Variants in SRPK2 observed in about 807,000 individuals in gnomAD.
SRPK2 encodes the protein SRSF protein kinase 2, also known as SFRS protein kinase 2.
A neutral mutation model predicts 90.8 loss-of-function variants in SRPK2; 21 were observed. The ratio of observed to expected loss-of-function variants is 0.23; its 90% confidence interval spans 0.16 to 0.33. The LOEUF (loss-of-function observed/expected upper bound fraction) is 0.33. SRPK2 is among the 10% of genes least tolerant of loss of function. The pLI is 1.00. For missense variants in SRPK2, 620 were observed against 869.0 expected (o/e 0.71, Z 3.60); for synonymous variants, 288 against 311.1 (o/e 0.93, Z 0.78).
intron 13 of SRPK2, among the ~76,000 whole-genome samples, chr7:105,129,532 G>A (rs1801700608): frequency 1.7e-5 from 2 of 114,820 alleles, no homozygotes; most frequent in Admixed American, 1.8e-4. Context: ...GTGCCACCAT[G>A]CCCAGCTAAT....
chr7:105,145,236 G>A (rs771181161), intron 9 of SRPK2, 47 bp downstream of exon 9: 2 of 1,437,748 alleles, frequency 1.4e-6, no homozygotes, highest in Admixed American at 4.6e-5. Context: ...ATAATAAACG[G>A]TCTCTTTTAA....
At chr7:105,358,488 C>T (rs1260296540) in intron 2 of SRPK2, among the ~76,000 whole-genome samples, 1 of 152,082 alleles carries the variant, frequency 6.6e-6, no homozygotes, top group Non-Finnish European at 1.5e-5. Flanking sequence ...GAGTTCAAAA[C>T]CAGCCTGGAC....
At chr7:105,281,057 T>C (rs1807258360) in intron 2 of SRPK2, among the ~76,000 whole-genome samples, 1 of 151,402 alleles carries the variant, frequency 6.6e-6, no homozygotes, top group Non-Finnish European at 1.5e-5. Context: ...CATTTCTTCC[T>C]TCTTTTTTTT....
chr7:105,160,815 G>C (rs1280025368), intron 6 of SRPK2, among the ~76,000 whole-genome samples: 4 of 152,188 alleles, frequency 2.6e-5, no homozygotes, highest in Non-Finnish European at 5.9e-5. Flanking sequence ...GTGTTTCCCA[G>C]TATCTCAGGA....
chr7:105,137,752 A>G (rs1803083513), intron 11 of SRPK2, among the ~76,000 whole-genome samples: 1 of 152,146 alleles, frequency 6.6e-6, no homozygotes, highest in Non-Finnish European at 1.5e-5. Context: ...GGTTTCTTCA[A>G]GTTCCTCAAA....
At chr7:105,394,369 C>T (rs1380231327), upstream of SRPK2, among the ~76,000 whole-genome samples, 1 of 152,066 alleles carries the variant, frequency 6.6e-6, no homozygotes, top group Non-Finnish European at 1.5e-5. Flanking sequence ...TCTCAAACTC[C>T]TGACCTCATG....
At chr7:105,372,436 G>C (rs1819811439) in intron 2 of SRPK2, among the ~76,000 whole-genome samples, 1 of 152,104 alleles carries the variant, frequency 6.6e-6, no homozygotes, top group Admixed American at 6.6e-5. Context: ...TCTCACTGGG[G>C]AATGAGGAAA....
chr7:105,337,410 G>A (rs944075941), intron 2 of SRPK2, among the ~76,000 whole-genome samples: 4 of 151,886 alleles, frequency 2.6e-5, no homozygotes, highest in Non-Finnish European at 4.4e-5. Context: ...TGCTTCCCCG[G>A]TTCAAGCGAT....
chr7:105,151,501 T>C (rs1025394991), intron 7 of SRPK2, among the ~76,000 whole-genome samples: 3 of 152,242 alleles, frequency 2.0e-5, no homozygotes, highest in African/African-American at 7.2e-5. Flanking sequence ...TGTACTGATA[T>C]TGACTTATTG....
At chr7:105,389,352 T>C, upstream of SRPK2, 1 of 1,275,158 alleles carries the variant, frequency 7.8e-7, no homozygotes, top group Non-Finnish European at 1.0e-6. Flanking sequence ...TTTGCTCCTC[T>C]ACATCCTTGC....
At chr7:105,261,023 A>T (rs573520506) in intron 2 of SRPK2, among the ~76,000 whole-genome samples, 19 of 11,286 alleles carry the variant, frequency 1.7e-3, no homozygotes, top group South Asian at 3.7e-3. Context: ...CCTAGAAATT[A>T]AAAAAAAAAA....
At chr7:105,179,416 T>C (rs1792436596) in intron 3 of SRPK2, among the ~76,000 whole-genome samples, 1 of 152,168 alleles carries the variant, frequency 6.6e-6, no homozygotes, top group South Asian at 2.1e-4. Flanking sequence ...GTTAAGAGTA[T>C]TGTCTATGGC....
chr7:105,115,627 C>G (rs1395857928), downstream of SRPK2: 4 of 152,168 alleles, frequency 2.6e-5, no homozygotes, highest in Non-Finnish European at 5.9e-5. Context: ...CGCCAAGAAT[C>G]TGATAAAGCC....
At position 105,196,447 on chromosome 7, in the gene SRPK2, C is replaced by T. The variant is rs1055436377; in HGVS notation, c.229+7181G>A. ...CATTTCTATGGCAGAGATTTTCCATCTGGGCACTGCTGACATTAGGAGCTG... is the reference window on the plus strand; with the variant it reads ...CATTTCTATGGCAGAGATTTTCCATTTGGGCACTGCTGACATTAGGAGCTG... On this transcript the variant is annotated intron_variant, in intron 3 of 15. Transcript: ENST00000393651. Among the ~76,000 whole-genome samples, 4 of 152,204 alleles carry T rather than the reference C, an allele frequency of 2.6e-5. No homozygotes were observed. In the East Asian group the frequency reaches 7.7e-4, roughly 29 times the overall value.
At chr7:105,300,875 G>A (rs1481995652) in intron 2 of SRPK2, among the ~76,000 whole-genome samples, 2 of 152,176 alleles carry the variant, frequency 1.3e-5, no homozygotes, top group East Asian at 3.9e-4. Flanking sequence ...AACAGGTGCT[G>A]GAGAGGATGT....
At chr7:105,243,149 G>A (rs1801045519) in intron 2 of SRPK2, among the ~76,000 whole-genome samples, 2 of 152,080 alleles carry the variant, frequency 1.3e-5, no homozygotes, top group East Asian at 1.9e-4. Context: ...CTCCAGGCCC[G>A]CTACCATCCC....
At chr7:105,346,639 A>G (rs62484682) in intron 2 of SRPK2, among the ~76,000 whole-genome samples, 8,231 of 152,150 alleles carry the variant, frequency 0.054, 295 homozygotes, top group Middle Eastern at 0.11. Context: ...CTGTAGTCCC[A>G]GCTACTCGGA....
chr7:105,121,030 A>G (rs1800270553), intron 15 of SRPK2, among the ~76,000 whole-genome samples: 1 of 152,180 alleles, frequency 6.6e-6, no homozygotes, highest in Admixed American at 6.5e-5. Context: ...CTCTTACTAT[A>G]AAAGTAGCAC....
intron 3 of SRPK2, among the ~76,000 whole-genome samples, chr7:105,179,201 A>C (rs901484576): frequency 6.6e-6 from 1 of 152,194 alleles, no homozygotes; most frequent in Non-Finnish European, 1.5e-5. Context: ...TTATGCTTGA[A>C]TTCAGGGATG....
Sources: allele counts gnomAD v4.1 joint callset (sites outside exome capture counted in the v4.1 genomes callset), GRCh38; gene constraint gnomAD v4.1.1; transcripts MANE v1.5; gene names NCBI Gene and HGNC (gene_info 2026-07-23, HGNC 2026-07-21).